The following COL26A1 variants were observed in gnomAD, a reference collection of about 807,000 sequenced individuals.
COL26A1 encodes collagen type XXVI alpha 1 chain, also known as collagen alpha-1(XXVI) chain.
In COL26A1, 41 loss-of-function variants were observed where a neutral mutation model predicts 59.3. The ratio of observed to expected loss-of-function variants is 0.69; its 90% confidence interval spans 0.54 to 0.90. COL26A1 has a LOEUF of 0.90. COL26A1 is among the 40% of genes least tolerant of loss of function. The probability of loss-of-function intolerance (pLI) is 0.00; values close to 1 mark genes in which losing one functional copy is unlikely to be tolerated. For missense variants in COL26A1, 612 were observed against 602.3 expected (o/e 1.02, Z -0.17); for synonymous variants, 266 against 256.0 (o/e 1.04, Z -0.37).
chr7:101,542,867 C>G lies in COL26A1; in HGVS notation c.605-1131C>G, dbSNP rs1795646144. Among the ~76,000 whole-genome samples, 3 of 152,230 alleles carry G rather than the reference C, an allele frequency of 2.0e-5. No individual in the cohort carries two copies. In the South Asian group the frequency reaches 6.2e-4, roughly 31 times the overall value. On this transcript the variant is annotated intron_variant, in intron 5 of 12. Coordinates refer to ENST00000313669, the MANE Select transcript of COL26A1 (RefSeq NM_001278563.3). Reference sequence around the variant, plus strand: ...AGCGTTACCTCATGCCCACATTCTTCAGATCTTTCTTGGGGGATGGAGGAG... The same window carrying G: ...AGCGTTACCTCATGCCCACATTCTTGAGATCTTTCTTGGGGGATGGAGGAG...
At chr7:101,507,987 A>C (rs781033142) in intron 3 of COL26A1, among the ~76,000 whole-genome samples, 2 of 152,126 alleles carry the variant, frequency 1.3e-5, no homozygotes, top group Non-Finnish European at 2.9e-5. Flanking sequence ...AATTATGAGG[A>C]CCATGATATG....
At chr7:101,469,211 G>T (rs1220370472) in intron 3 of COL26A1, among the ~76,000 whole-genome samples, 7 of 152,118 alleles carry the variant, frequency 4.6e-5, no homozygotes, top group East Asian at 1.9e-4. Flanking sequence ...AATTCTGGGG[G>T]TCTCTCTCTG....
intron 3 of COL26A1, among the ~76,000 whole-genome samples, chr7:101,472,356 G>A (rs1053579887): frequency 6.6e-6 from 1 of 152,096 alleles, no homozygotes; most frequent in Non-Finnish European, 1.5e-5. Flanking sequence ...AGATATCAGG[G>A]CATCAGGACA....
chr7:101,402,656 TTC>T (rs1792038862), intron 1 of COL26A1, among the ~76,000 whole-genome samples: 1 of 100,004 alleles, frequency 1.0e-5, no homozygotes, highest in Non-Finnish European at 2.0e-5. Flanking sequence ...CCTTCCTTCC[TTC>T]CTTCCCTCCC....
intron 3 of COL26A1, among the ~76,000 whole-genome samples, chr7:101,494,346 C>T (rs1024114581): frequency 6.6e-6 from 1 of 152,072 alleles, no homozygotes; most frequent in Non-Finnish European, 1.5e-5. Flanking sequence ...AGGCTGGTCT[C>T]GAACTCCTGA....
intron 1 of COL26A1, among the ~76,000 whole-genome samples, chr7:101,408,009 G>C (rs983559787): frequency 1.3e-5 from 2 of 152,178 alleles, no homozygotes; most frequent in African/African-American, 4.8e-5. Context: ...ACTCTGTAAA[G>C]AGCAGAACGT....
chr7:101,506,084 T>C (rs151087548), intron 3 of COL26A1, among the ~76,000 whole-genome samples: 1 of 152,240 alleles, frequency 6.6e-6, no homozygotes, highest in Non-Finnish European at 1.5e-5. Context: ...CCTTTCCCTC[T>C]GCCCGAATGG....
At chr7:101,532,491 T>A (rs1795390620) in intron 3 of COL26A1, among the ~76,000 whole-genome samples, 1 of 152,204 alleles carries the variant, frequency 6.6e-6, no homozygotes, top group Admixed American at 6.5e-5. Context: ...TCTTTCAGAA[T>A]GCATTCCTTT....
chr7:101,550,990 C>A, intron 9 of COL26A1, 118 bp from the exon 10 acceptor site: 1 of 1,184,242 alleles, frequency 8.4e-7, no homozygotes, highest in South Asian at 1.3e-5. Context: ...GGCCATCCTC[C>A]TCTCCCTTCC....
chr7:101,396,787 C>T (rs544988776), intron 1 of COL26A1, among the ~76,000 whole-genome samples: 1 of 152,164 alleles, frequency 6.6e-6, no homozygotes, highest in African/African-American at 2.4e-5. Context: ...ACTGTGGCAC[C>T]CTAGAGGAGG....
chr7:101,504,013 G>A lies in COL26A1; in HGVS notation c.386-29069G>A, dbSNP rs564854470. On this transcript the variant is annotated intron_variant, in intron 3 of 12. Coordinates refer to ENST00000313669, the MANE Select transcript of COL26A1 (RefSeq NM_001278563.3). Reference sequence around the variant, plus strand: ...CTGCGAGCTCAGGATGTGGGCAGGCGACCCTGAGCCCAGCAGGGCCCTCCA... The same window carrying A: ...CTGCGAGCTCAGGATGTGGGCAGGCAACCCTGAGCCCAGCAGGGCCCTCCA... Among the ~76,000 whole-genome samples the A allele has an allele frequency of 2.7e-4, 41 of 152,250 alleles. 1 individual carries two copies. The highest frequency in any genetic ancestry group is 8.2e-4 in the African/African-American group (34 of 41,548).
At chr7:101,418,676 G>A (rs1792435665) in intron 1 of COL26A1, among the ~76,000 whole-genome samples, 1 of 151,902 alleles carries the variant, frequency 6.6e-6, no homozygotes, top group African/African-American at 2.4e-5. Flanking sequence ...ATGTTGCCCA[G>A]GCTGGTCTCA....
intron 1 of COL26A1, among the ~76,000 whole-genome samples, chr7:101,419,607 T>G (rs1269628073): frequency 1.3e-5 from 2 of 152,206 alleles, no homozygotes; most frequent in African/African-American, 4.8e-5. Context: ...CTGGGCGAGA[T>G]GCCCTGCTCC....
chr7:101,454,067 A>G (rs1793408179), intron 3 of COL26A1, among the ~76,000 whole-genome samples: 2 of 152,088 alleles, frequency 1.3e-5, no homozygotes. Flanking sequence ...CTCCTTGATA[A>G]AATTGATGGG....
At chr7:101,390,652 T>G (rs1791707491) in intron 1 of COL26A1, among the ~76,000 whole-genome samples, 1 of 152,196 alleles carries the variant, frequency 6.6e-6, no homozygotes, top group Admixed American at 6.6e-5. Flanking sequence ...CTCAAACTCT[T>G]GGCCTCAAGT....
intron 2 of COL26A1, among the ~76,000 whole-genome samples, chr7:101,440,939 T>A (rs1793041202): frequency 2.0e-5 from 3 of 146,768 alleles, no homozygotes; most frequent in African/African-American, 7.6e-5. Flanking sequence ...ATTGCGCCAC[T>A]GCACTCCAGC....
At chr7:101,515,163 C>G (rs1795003376) in intron 3 of COL26A1, among the ~76,000 whole-genome samples, 1 of 152,216 alleles carries the variant, frequency 6.6e-6, no homozygotes, top group African/African-American at 2.4e-5. Context: ...AATTTAGTAG[C>G]CTCACTCTGT....
intron 1 of COL26A1, among the ~76,000 whole-genome samples, chr7:101,407,575 C>G (rs1792156494): frequency 6.6e-6 from 1 of 151,758 alleles, no homozygotes; most frequent in Non-Finnish European, 1.5e-5. Context: ...AGTTTCTCTG[C>G]ATTTCTATTG....
At position 101,434,071 on chromosome 7, in the gene COL26A1, TCCCTCCCTCCCTCC is replaced by T. The variant is rs1433369681; in HGVS notation, c.282-13611_282-13598del. On this transcript the variant is annotated intron_variant, in intron 2 of 12. Transcript: ENST00000313669. ...CTCCCTCCCTCCCTCCCTCCCTCCC[TCCCTCCCTCCCTCC>T]CTCCCTCTTTCTTTCTGCTTTCTTT... Among the ~76,000 whole-genome samples, 158 of 88,024 alleles carry T rather than the reference TCCCTCCCTCCCTCC, an allele frequency of 1.8e-3. 2 individuals are homozygous for T. The highest frequency in any genetic ancestry group is 2.3e-3 in the African/African-American group (44 of 19,210). The allele number at this position is 88,024 out of a possible 152,430, so 57.7% of individuals were successfully genotyped here. A position where few individuals can be genotyped will look rare whatever the true frequency, so the allele number is the denominator to read the frequency against.
Sources: allele counts gnomAD v4.1 joint callset (sites outside exome capture counted in the v4.1 genomes callset), GRCh38; gene constraint gnomAD v4.1.1; transcripts MANE v1.5; gene names NCBI Gene and HGNC (gene_info 2026-07-23, HGNC 2026-07-21).